Variants in SEC63 observed in about 807,000 individuals in gnomAD.
The protein encoded by SEC63 is translocation protein SEC63 homolog.
SEC63 carries 56 observed loss-of-function variants against 116.2 expected under a neutral mutation model. The ratio of observed to expected loss-of-function variants is 0.48; its 90% CI spans 0.39 to 0.60. SEC63 has a LOEUF of 0.60. Ranked by LOEUF, SEC63 falls within the 20% of genes least tolerant of loss-of-function variation. The pLI, the probability that SEC63 is intolerant of heterozygous loss-of-function variation, is 0.00. For missense variants in SEC63, 668 were observed against 900.0 expected (o/e 0.74, Z 3.30); for synonymous variants, 273 against 294.6 (o/e 0.93, Z 0.75).
chr6:107,939,693 G>A (rs1424463766), intron 1 of SEC63, among the ~76,000 whole-genome samples: 1 of 151,944 alleles, frequency 6.6e-6, no homozygotes, highest in Non-Finnish European at 1.5e-5. Flanking sequence ...CCAAGATCAC[G>A]CCACTGCACT....
rs939695004 is a variant in SEC63, at chr6:107,929,302, G to T, written c.224+113C>A. On this transcript the variant is annotated intron_variant, in intron 2 of 20. Transcript: ENST00000369002. Reference sequence around the variant, plus strand: ...TTTCTCCTATCTTACCCTTACTATAGATTACAATTTCTTTACAGACACAAT... The same window carrying T: ...TTTCTCCTATCTTACCCTTACTATATATTACAATTTCTTTACAGACACAAT... The T allele has an allele frequency of 2.9e-5, 19 of 654,044 alleles. No homozygotes were observed. In the African/African-American group the frequency reaches 3.3e-4, roughly 11 times the overall value. The allele number at this position is 654,044 out of a possible 1,614,324, so 40.5% of individuals were successfully genotyped here.
chr6:107,957,110 G>A (rs1770725658), intron 1 of SEC63: 1 of 152,166 alleles, frequency 6.6e-6, no homozygotes, highest in South Asian at 2.1e-4. Flanking sequence ...CTGTTATTCT[G>A]TGCTTTAATT....
intron 16 of SEC63, among the ~76,000 whole-genome samples, chr6:107,885,939 A>G (rs957927385): frequency 6.6e-6 from 1 of 152,078 alleles, no homozygotes; most frequent in African/African-American, 2.4e-5. Context: ...TACACATGCC[A>G]TGGTGGTTTG....
intron 1 of SEC63, among the ~76,000 whole-genome samples, chr6:107,936,441 A>C: frequency 6.6e-6 from 1 of 152,234 alleles, no homozygotes; most frequent in East Asian, 1.9e-4. Context: ...TTTTAATAAG[A>C]CACTTAACAG....
chr6:107,913,518 A>C (rs1314558150), intron 4 of SEC63, 91 bp from the exon 5 acceptor site: 121 of 880,860 alleles, frequency 1.4e-4, no homozygotes, highest in Non-Finnish European at 2.0e-4. Flanking sequence ...CAACCAACTC[A>C]TTTCTTAGAA....
In SEC63 at chr6:107,876,670, CAAAA is replaced by C. The variant is rs749125299; in HGVS notation, c.1936-12_1936-9del. On this transcript the variant is annotated splice_polypyrimidine_tract_variant and intron_variant, in intron 18 of 20. Transcript: ENST00000369002. ...CCACCATTCTTGTTTTTCCTGGAAA[CAAAA>C]AAAAAAAAAAAAAAAGAAGAGGGGT... 5.6e-3 allele frequency: 4,208 copies of C among 757,782 alleles called. 21 individuals are homozygous for C. Among genetic ancestry groups the C allele is most frequent in the African/African-American group, 0.033 (1,510 of 45,120 alleles). 46.9% of individuals were successfully genotyped at this position (757,782 alleles called of 1,614,324 possible). A position where few individuals can be genotyped will look rare whatever the true frequency, so the allele number is the denominator to read the frequency against.
rs1483784279 is a variant in SEC63, at chr6:107,871,167, T to C, written c.*537A>G. On this transcript the variant is annotated 3_prime_UTR_variant, in exon 21 of 21. Coordinates refer to ENST00000369002, the MANE Select transcript of SEC63 (RefSeq NM_007214.5). ...ATGTGGAATGTGAGAGAATGCCAAC[T>C]TATGACCAAGATAAGTAAAAATAAA... 6.3e-6 allele frequency: 1 copy of C among 158,992 alleles called. No homozygotes were observed. Among genetic ancestry groups the C allele is most frequent in the African/African-American group, 2.4e-5 (1 of 41,478 alleles). The allele number at this position is 158,992 out of a possible 1,614,324, so 9.8% of individuals were successfully genotyped here. A position where few individuals can be genotyped will look rare whatever the true frequency, so the allele number is the denominator to read the frequency against.
intron 13 of SEC63, among the ~76,000 whole-genome samples, chr6:107,899,950 C>T (rs993231929): frequency 2.6e-5 from 4 of 152,158 alleles, no homozygotes; most frequent in African/African-American, 9.7e-5. Flanking sequence ...TGCTACACTC[C>T]AGCCAAACTG....
At chr6:107,887,440 C>T (rs1352914220) in intron 16 of SEC63, among the ~76,000 whole-genome samples, 4 of 146,562 alleles carry the variant, frequency 2.7e-5, no homozygotes, top group African/African-American at 5.1e-5. Flanking sequence ...GAGTTCATGT[C>T]CTTTGTAGGG....
At chr6:107,901,687 T>C (rs981322013) in intron 12 of SEC63, among the ~76,000 whole-genome samples, 170 bp from the exon 13 acceptor site, 1 of 152,110 alleles carries the variant, frequency 6.6e-6, no homozygotes, top group Non-Finnish European at 1.5e-5. Flanking sequence ...ATGACCTTTT[T>C]CTCCAAGAAA....
intron 1 of SEC63, among the ~76,000 whole-genome samples, chr6:107,952,141 G>A (rs1770592265): frequency 6.6e-6 from 1 of 152,078 alleles, no homozygotes; most frequent in African/African-American, 2.4e-5. Context: ...AACCAAGAGA[G>A]TAAAACAAAT....
chr6:107,936,871 AAC>A (rs1770258401), intron 1 of SEC63, among the ~76,000 whole-genome samples: 3 of 152,340 alleles, frequency 2.0e-5, no homozygotes, highest in African/African-American at 4.8e-5. Context: ...CATAGTATCC[AAC>A]AGTTTTTCAA....
In SEC63 at chr6:107,921,898, T is replaced by G. The variant is rs1787563325; in HGVS notation, c.351A>C (p.Val117=). 1.3e-6 allele frequency: 2 copies of G among 1,575,356 alleles called. No individual in the cohort carries two copies. Among genetic ancestry groups the G allele is most frequent in the African/African-American group, 3.0e-5 (2 of 67,088 alleles). Reference sequence around the variant, plus strand: ...AACGATATTGTTTTTTAATTTCTGCTACTGTGGCTCCCTGGGGAAAAACAA... The same window carrying G: ...AACGATATTGTTTTTTAATTTCTGCGACTGTGGCTCCCTGGGGAAAAACAA... ...EVLNLDPGAT[V]AEIKKQYRLL... Residue 117 remains valine, a synonymous_variant, in exon 4 of 21, where the codon GTA becomes GTC. Transcript: ENST00000369002.
At chr6:107,889,043 G>C (rs1307111428) in intron 16 of SEC63, among the ~76,000 whole-genome samples, 3 of 152,136 alleles carry the variant, frequency 2.0e-5, no homozygotes, top group Non-Finnish European at 4.4e-5. Context: ...ATATTCGCCT[G>C]AAATTTTCTT....
rs184724336 is a variant in SEC63 at position 107,871,237 on chromosome 6, A to G, written c.*467T>C. On this transcript the variant is annotated 3_prime_UTR_variant, in exon 21 of 21. Transcript: ENST00000369002. Reference sequence around the variant, plus strand: ...AGCTGTTGTATCACTGCAAAATGTCAACAACAGAGCTTATCAAGAGATTAT... The same window carrying G: ...AGCTGTTGTATCACTGCAAAATGTCGACAACAGAGCTTATCAAGAGATTAT... The G allele has an allele frequency of 6.5e-5, 11 of 168,308 alleles. No individual in the cohort carries two copies. Among genetic ancestry groups the G allele is most frequent in the Admixed American group, 1.1e-4 (2 of 17,616 alleles). 10.4% of individuals were successfully genotyped at this position (168,308 alleles called of 1,614,324 possible).
intron 6 of SEC63, among the ~76,000 whole-genome samples, chr6:107,912,170 T>C (rs537686065): frequency 6.6e-6 from 1 of 152,350 alleles, no homozygotes; most frequent in African/African-American, 2.4e-5. Context: ...AAAGTTGAAG[T>C]AGGAATGTAT....
chr6:107,886,580 T>C (rs1327155636), intron 16 of SEC63, among the ~76,000 whole-genome samples: 1 of 152,156 alleles, frequency 6.6e-6, no homozygotes, highest in East Asian at 1.9e-4. Flanking sequence ...CTCATTGTGG[T>C]TTTGATTTGC....
intron 8 of SEC63, 151 bp from the exon 9 acceptor site, chr6:107,906,928 C>T: frequency 1.5e-6 from 1 of 670,830 alleles, no homozygotes. Flanking sequence ...GTATTTATTT[C>T]TTCCATAAAA....
chr6:107,954,181 T>C (rs7757954), intron 1 of SEC63, among the ~76,000 whole-genome samples: 16,616 of 151,998 alleles, frequency 0.11, 999 homozygotes, highest in East Asian at 0.21. Flanking sequence ...AACCCTGTGC[T>C]CTCTGAAACA....
Sources: allele counts gnomAD v4.1 joint callset (sites outside exome capture counted in the v4.1 genomes callset), GRCh38; gene constraint gnomAD v4.1.1; transcripts MANE v1.5; gene names NCBI Gene and HGNC (gene_info 2026-07-23, HGNC 2026-07-21).